TNKS: variants seen among roughly 807,000 people sequenced by gnomAD.
The protein encoded by TNKS is tankyrase, also known as poly [ADP-ribose] polymerase tankyrase-1.
A neutral mutation model predicts 135.8 loss-of-function variants in TNKS; 72 were observed. The observed-to-expected ratio is 0.53, with a 90% confidence interval of 0.44 to 0.64. The LOEUF is 0.64. Among genes scored for constraint, TNKS ranks in the 30% least tolerant of loss-of-function variants. The pLI, the probability that TNKS is intolerant of heterozygous loss-of-function variation, is 0.00. For synonymous variants in TNKS, 849 were observed against 649.3 expected, an observed-to-expected ratio of 1.31 and a Z score of -4.68; for missense variants, 1,769 against 1,674.0, an observed-to-expected ratio of 1.06 and a Z score of -0.99.
intron 11 of TNKS, among the ~76,000 whole-genome samples, chr8:9,717,101 A>ATATATATATATATATATATATAT (rs1454492300): frequency 8.4e-6 from 1 of 119,332 alleles, no homozygotes; most frequent in Non-Finnish European, 1.8e-5. Context: ...ATATATATAT[A>ATATATATATATATATATATATAT]TTTTCAGGGA....
Position 9,733,417 on chromosome 8 carries a change from G to A in TNKS, c.2286G>A (p.Lys762=), listed in dbSNP as rs1240863684. 6.2e-7 allele frequency: 1 copy of A among 1,613,586 alleles called. No homozygotes were observed. Residue 762 remains lysine, a synonymous_variant, in exon 15 of 27, where the codon AAG becomes AAA. Coordinates refer to ENST00000310430, the MANE Select transcript of TNKS (RefSeq NM_003747.3). ...TCCATGAAGCAGCAGCTAAAGGAAA[G>A]TATGAAATCTGCAAGCTCCTTTTAA... is the stretch of plus-strand genomic sequence containing the variant. ...TPLHEAAAKG[K]YEICKLLLKH...
At chr8:9,636,707 A>G (rs1170000843) in intron 3 of TNKS, among the ~76,000 whole-genome samples, 4 of 152,202 alleles carry the variant, frequency 2.6e-5, no homozygotes, top group Non-Finnish European at 5.9e-5. Context: ...CTTTTCCATA[A>G]GATGACAATA....
At chr8:9,627,601 G>A (rs575200542) in intron 3 of TNKS, among the ~76,000 whole-genome samples, 1 of 150,884 alleles carries the variant, frequency 6.6e-6, no homozygotes, top group Admixed American at 6.6e-5. Flanking sequence ...GGTGTTTGGG[G>A]AAAACTCCCC....
intron 20 of TNKS, among the ~76,000 whole-genome samples, chr8:9,760,417 G>C (rs1468801729): frequency 6.6e-6 from 1 of 152,076 alleles, no homozygotes; most frequent in East Asian, 1.9e-4. Flanking sequence ...ATTTTATTCT[G>C]ACAAAAAAAT....
intron 1 of TNKS, among the ~76,000 whole-genome samples, chr8:9,579,479 T>C (rs1424629155): frequency 6.6e-6 from 1 of 152,160 alleles, no homozygotes; most frequent in Admixed American, 6.5e-5. Flanking sequence ...TTTATTTTAT[T>C]TTATTTTATT....
In TNKS at chr8:9,596,980, T is replaced by C. The variant is rs750186072; in HGVS notation, c.898+16597T>C. Among the ~76,000 whole-genome samples the C allele has an allele frequency of 3.9e-4, 59 of 152,114 alleles. 1 individual carries two copies. The highest frequency in any genetic ancestry group is 1.8e-4 in the Non-Finnish European group (12 of 68,028). ...AGGAAGAGGACATTGAATATAGGAG[T>C]GGTATACGAGGTATTAAGGACAAAT... On this transcript the variant is annotated intron_variant, in intron 2 of 26. Coordinates refer to ENST00000310430, the MANE Select transcript of TNKS (RefSeq NM_003747.3).
chr8:9,567,196 T>C lies in TNKS; in HGVS notation c.673+10584T>C, dbSNP rs900184105. Among the ~76,000 whole-genome samples, 8 of 152,378 alleles carry C rather than the reference T, an allele frequency of 5.3e-5. No homozygotes were observed. In the East Asian group the frequency reaches 1.3e-3, roughly 26 times the overall value. On this transcript the variant is annotated intron_variant, in intron 1 of 26. Coordinates refer to ENST00000310430, the MANE Select transcript of TNKS (RefSeq NM_003747.3). ...CCCACCCCAAGGGAGCTACTAGTGA[T>C]TTTGACATATTCCCTCCAGTCCTTC... is the stretch of plus-strand genomic sequence containing the variant.
chr8:9,688,069 CTGAA>C (rs1228213959), intron 5 of TNKS, among the ~76,000 whole-genome samples: 1 of 152,192 alleles, frequency 6.6e-6, no homozygotes, highest in African/African-American at 2.4e-5. Flanking sequence ...ATTTCTCCAA[CTGAA>C]TGGATGCTGG....
chr8:9,711,339 C>T (rs139515620), intron 11 of TNKS, among the ~76,000 whole-genome samples: 30 of 152,164 alleles, frequency 2.0e-4, no homozygotes, highest in Admixed American at 2.0e-3. Context: ...TTGTTAGTAT[C>T]GAGGGATTGA....
intron 12 of TNKS, among the ~76,000 whole-genome samples, chr8:9,722,033 G>A (rs1804910382): frequency 1.3e-5 from 2 of 148,670 alleles, no homozygotes. Flanking sequence ...ATCCAGCCTG[G>A]GTGACAGAGC....
intron 20 of TNKS, among the ~76,000 whole-genome samples, chr8:9,753,561 A>G (rs1806662686): frequency 2.0e-5 from 3 of 152,222 alleles, no homozygotes; most frequent in African/African-American, 4.8e-5. Flanking sequence ...GAGTTGTAAT[A>G]TTGTATGCTT....
At chr8:9,665,881 C>G (rs1237959739) in intron 3 of TNKS, among the ~76,000 whole-genome samples, 3 of 152,258 alleles carry the variant, frequency 2.0e-5, no homozygotes, top group East Asian at 3.9e-4. Context: ...GTCTACGCAC[C>G]TCAAGAATAT....
chr8:9,648,116 C>T lies in TNKS; in HGVS notation c.995-31835C>T, dbSNP rs117904962. On this transcript the variant is annotated intron_variant, in intron 3 of 26. Coordinates refer to ENST00000310430, the MANE Select transcript of TNKS (RefSeq NM_003747.3). ...TGGAAGTTGACTCACTGGGTGAGTC[C>T]GTGAGTGAGTGGTGAGAGAATGCGA... Among the ~76,000 whole-genome samples the T allele has an allele frequency of 2.2e-3, 337 of 152,054 alleles. 3 individuals are homozygous for T. In the East Asian group the frequency reaches 0.026, roughly 12 times the overall value.
intron 2 of TNKS, among the ~76,000 whole-genome samples, chr8:9,610,769 A>G (rs1000323005): frequency 6.6e-6 from 1 of 152,224 alleles, no homozygotes; most frequent in African/African-American, 2.4e-5. Context: ...CTACATTTTT[A>G]GCTTGGAAAA....
chr8:9,619,195 A>G (rs1320668907), intron 3 of TNKS, among the ~76,000 whole-genome samples: 1 of 152,202 alleles, frequency 6.6e-6, no homozygotes. Flanking sequence ...TTGGAAAATG[A>G]GGAGCTTTCT....
intron 1 of TNKS, among the ~76,000 whole-genome samples, chr8:9,572,809 A>C (rs1797805889): frequency 6.6e-6 from 1 of 152,310 alleles, no homozygotes; most frequent in African/African-American, 2.4e-5. Context: ...AGAGATACTC[A>C]AAAGTGTCTG....
Position 9,751,788 on chromosome 8 carries a change from A to G in TNKS, c.3012A>G (p.Val1004=). The G allele has an allele frequency of 6.2e-7, 1 of 1,614,196 alleles. No homozygotes were observed. The highest frequency in any genetic ancestry group is 8.5e-7 in the Non-Finnish European group (1 of 1,180,032). The change falls in exon 19 of 27, where the codon GTA becomes GTG. Residue 1004 remains valine, a synonymous_variant. Coordinates refer to ENST00000310430, the MANE Select transcript of TNKS (RefSeq NM_003747.3). ...NLTGPLAELA[V]GGASNAGDGA... ...CTGGCCCTTTAGCAGAGTTGGCCGT[A>G]GGAGGAGCCTCCAATGCAGGGGATG...
chr8:9,734,978 T>A lies in TNKS; in HGVS notation c.2427T>A (p.Asp809Glu). 6.2e-7 allele frequency: 1 copy of A among 1,614,194 alleles called. No individual in the cohort carries two copies. The highest frequency in any genetic ancestry group is 8.5e-7 in the Non-Finnish European group (1 of 1,180,040). ...DLLRGDAALL[D>E]AAKKGCLARV... The stretch of plus-strand genomic sequence containing the variant: ...TGAGAGGGGATGCTGCTTTGTTGGA[T>A]GCTGCCAAGAAGGGCTGCCTGGCAA... The change falls in exon 16 of 27, where the codon GAT becomes GAA. Residue 809 changes from aspartate to glutamate, a missense_variant. Physicochemically the swap from Asp to Glu is conservative, Grantham distance 45. Transcript: ENST00000310430.
At chr8:9,680,626 A>C in intron 4 of TNKS, 99 bp from the exon 5 acceptor site, 1 of 770,316 alleles carries the variant, frequency 1.3e-6, no homozygotes, top group Non-Finnish European at 2.2e-6. Context: ...AAAGAAATCA[A>C]AGCAAACCCA....
Sources: gnomAD v4.1 joint callset for allele counts (sites outside exome capture counted in the v4.1 genomes callset) on GRCh38, gnomAD v4.1.1 for gene constraint, MANE v1.5 for transcripts, NCBI Gene and HGNC (gene_info 2026-07-23, HGNC 2026-07-21) for gene names.